EPHA3: variants seen among roughly 807,000 people sequenced by gnomAD.
The protein encoded by EPHA3 is EPH receptor A3, also known as ephrin type-A receptor 3.
EPHA3 carries 42 observed loss-of-function variants against 107.1 expected under a neutral mutation model. The ratio of observed to expected loss-of-function variants is 0.39; its 90% CI spans 0.31 to 0.51. The LOEUF (loss-of-function observed/expected upper bound fraction) is 0.51, where lower values mean the gene tolerates loss of function less well. EPHA3 is among the 20% of genes least tolerant of loss of function. EPHA3 has a pLI of 0.78. For missense variants in EPHA3, 1,183 were observed against 1,211.2 expected (o/e 0.98, Z 0.35); for synonymous variants, 461 against 424.8 (o/e 1.09, Z -1.05).
chr3:89,313,607 A>T (rs887965244), intron 3 of EPHA3, among the ~76,000 whole-genome samples: 2 of 151,900 alleles, frequency 1.3e-5, no homozygotes, highest in Admixed American at 6.6e-5. Flanking sequence ...AATATAGGAA[A>T]TTTTCATAAG....
intron 5 of EPHA3, among the ~76,000 whole-genome samples, chr3:89,357,123 A>G (rs1375374973): frequency 2.1e-5 from 3 of 144,422 alleles, no homozygotes; most frequent in Non-Finnish European, 4.6e-5. Context: ...AAAAAAAAAA[A>G]AAAAAAAAAA....
chr3:89,191,917 A>C (rs907780658), intron 2 of EPHA3, among the ~76,000 whole-genome samples: 1 of 152,228 alleles, frequency 6.6e-6, no homozygotes, highest in Non-Finnish European at 1.5e-5. Flanking sequence ...GATATATAAT[A>C]TAAATCAAAG....
chr3:89,397,270 C>G (rs1244256126), intron 6 of EPHA3, among the ~76,000 whole-genome samples: 5 of 152,088 alleles, frequency 3.3e-5, no homozygotes, highest in African/African-American at 9.7e-5. Flanking sequence ...AATAAATTTT[C>G]TCCTAGCTTT....
At chr3:89,426,427 T>C (rs1377564655) in intron 11 of EPHA3, among the ~76,000 whole-genome samples, 2 of 151,838 alleles carry the variant, frequency 1.3e-5, no homozygotes, top group Non-Finnish European at 2.9e-5. Context: ...CTTTGTATAT[T>C]TGATTTGCAG....
chr3:89,294,533 G>A (rs1459332223), intron 3 of EPHA3, among the ~76,000 whole-genome samples: 1 of 151,996 alleles, frequency 6.6e-6, no homozygotes, highest in African/African-American at 2.4e-5. Flanking sequence ...GACTACTGAA[G>A]TTTATTATAA....
rs543535276 is a variant in EPHA3 at position 89,447,309 on chromosome 3, G to A, written c.2347-1916G>A. Among the ~76,000 whole-genome samples the A allele has an allele frequency of 9.5e-4, 144 of 152,180 alleles. 1 individual carries two copies. The highest frequency in any genetic ancestry group is 1.7e-3 in the Non-Finnish European group (114 of 68,004). On this transcript the variant is annotated intron_variant, in intron 13 of 16. Transcript: ENST00000336596. ...CCTGGTAGCTTCTTAGGAAGGTTGC[G>A]CTCACTGTGTGTCTTTGCAGGCTTA...
At chr3:89,260,738 T>C (rs937420422) in intron 3 of EPHA3, among the ~76,000 whole-genome samples, 1 of 152,202 alleles carries the variant, frequency 6.6e-6, no homozygotes. Context: ...AACAATATTC[T>C]TCAGCTTGCT....
chr3:89,374,343 G>C (rs1376870150), intron 5 of EPHA3, among the ~76,000 whole-genome samples: 1 of 151,882 alleles, frequency 6.6e-6, no homozygotes, highest in East Asian at 1.9e-4. Flanking sequence ...AATAGTAAAA[G>C]TCAGTATTAG....
intron 3 of EPHA3, among the ~76,000 whole-genome samples, chr3:89,340,338 T>C (rs1260788763): frequency 6.6e-6 from 1 of 152,218 alleles, no homozygotes; most frequent in Non-Finnish European, 1.5e-5. Flanking sequence ...AATCTTTATT[T>C]TAGGCCATTG....
chr3:89,286,118 ACGTG>A (rs1243418423), intron 3 of EPHA3, among the ~76,000 whole-genome samples: 1 of 99,652 alleles, frequency 1.0e-5, no homozygotes, highest in African/African-American at 4.2e-5. Flanking sequence ...ATCAATTTCT[ACGTG>A]TGTGTGTGTG....
intron 5 of EPHA3, among the ~76,000 whole-genome samples, chr3:89,355,152 T>G (rs1707917583): frequency 6.6e-6 from 1 of 151,210 alleles, no homozygotes; most frequent in African/African-American, 2.4e-5. Context: ...GTCACAAGTT[T>G]TTCCTAGGAA....
At chr3:89,379,793 C>A (rs1310253545) in intron 5 of EPHA3, among the ~76,000 whole-genome samples, 2 of 151,952 alleles carry the variant, frequency 1.3e-5, no homozygotes, top group Non-Finnish European at 2.9e-5. Flanking sequence ...CTATATTGTC[C>A]CATTTTTTCA....
intron 10 of EPHA3, among the ~76,000 whole-genome samples, chr3:89,417,721 C>A (rs1709276249): frequency 6.6e-6 from 1 of 151,416 alleles, no homozygotes; most frequent in Non-Finnish European, 1.5e-5. Flanking sequence ...ATATCATTAT[C>A]TTCTCTACAC....
intron 5 of EPHA3, among the ~76,000 whole-genome samples, chr3:89,389,471 G>A (rs73846162): frequency 0.035 from 5,276 of 152,148 alleles, 296 homozygotes; most frequent in African/African-American, 0.12. Context: ...AGCCCTTTTT[G>A]TTATTACTTT....
chr3:89,395,249 T>G (rs752666147), intron 5 of EPHA3, among the ~76,000 whole-genome samples: 1 of 152,172 alleles, frequency 6.6e-6, no homozygotes, highest in African/African-American at 2.4e-5. Flanking sequence ...AAAAGAAGAT[T>G]GTTGTTCCTT....
At chr3:89,226,955 T>C (rs1383345244) in intron 3 of EPHA3, among the ~76,000 whole-genome samples, 6 of 152,032 alleles carry the variant, frequency 3.9e-5, no homozygotes, top group African/African-American at 4.8e-5. Flanking sequence ...GATGGTGATG[T>C]GTCTATGAAT....
intron 3 of EPHA3, among the ~76,000 whole-genome samples, chr3:89,218,194 G>T (rs1382028487): frequency 2.6e-5 from 4 of 151,712 alleles, no homozygotes; most frequent in Admixed American, 6.6e-5. Flanking sequence ...CAACGTGCAG[G>T]TTTGTTACAT....
intron 2 of EPHA3, among the ~76,000 whole-genome samples, chr3:89,184,124 T>C (rs1052273762): frequency 3.9e-5 from 6 of 152,020 alleles, no homozygotes; most frequent in African/African-American, 4.8e-5. Context: ...CAAATAGTTA[T>C]AGAGATCACT....
chr3:89,475,876 A>G (rs1355391795), intron 16 of EPHA3, among the ~76,000 whole-genome samples: 1 of 152,102 alleles, frequency 6.6e-6, no homozygotes, highest in Admixed American at 6.6e-5. Context: ...TGAAATGAGC[A>G]CACAGAGTGT....
Sources: gnomAD v4.1 joint callset for allele counts (sites outside exome capture counted in the v4.1 genomes callset) on GRCh38, gnomAD v4.1.1 for gene constraint, MANE v1.5 for transcripts, NCBI Gene and HGNC (gene_info 2026-07-23, HGNC 2026-07-21) for gene names.